PPP3CC: variants seen among roughly 807,000 people sequenced by gnomAD.
The protein encoded by PPP3CC is protein phosphatase 3 catalytic subunit gamma.
In PPP3CC, 35 loss-of-function variants were observed where a neutral mutation model predicts 60.3. That is an observed-to-expected ratio of 0.58 (90% confidence interval 0.44 to 0.77). The LOEUF (loss-of-function observed/expected upper bound fraction) is 0.77. Among genes scored for constraint, PPP3CC ranks in the 30% least tolerant of loss-of-function variants. PPP3CC has a pLI of 0.00. For missense variants in PPP3CC, 570 were observed against 628.9 expected, an observed-to-expected ratio of 0.91 and a Z score of 1.00; for synonymous variants, 206 against 224.3, an observed-to-expected ratio of 0.92 and a Z score of 0.73.
chr8:22,482,686 T>C (rs968263661), intron 3 of PPP3CC, among the ~76,000 whole-genome samples: 20 of 152,366 alleles, frequency 1.3e-4, no homozygotes, highest in African/African-American at 3.8e-4. Flanking sequence ...AAAAACCTTC[T>C]GTAGTATGAT....
intron 3 of PPP3CC, among the ~76,000 whole-genome samples, chr8:22,483,397 C>T (rs1838128133): frequency 6.6e-6 from 1 of 152,200 alleles, no homozygotes; most frequent in Admixed American, 6.5e-5. Flanking sequence ...CGCCATTCTC[C>T]TGCCTCAGCC....
intron 3 of PPP3CC, among the ~76,000 whole-genome samples, chr8:22,478,615 G>A (rs890680038): frequency 6.6e-6 from 1 of 152,144 alleles, no homozygotes; most frequent in Non-Finnish European, 1.5e-5. Flanking sequence ...AGAATATTTT[G>A]TGTTATGCAT....
chr8:22,441,152 G>T lies in PPP3CC; in HGVS notation c.-258G>T. On this transcript the variant is annotated 5_prime_UTR_variant, in exon 1 of 14. Transcript: ENST00000240139. ...ACCCTTAGCAGCGGTCGCGGTCGGT[G>T]CCGAAGCGGTGTTCCCCGCCTTAGC... 5.5e-6 allele frequency: 2 copies of T among 366,330 alleles called. No homozygotes were observed. The highest frequency in any genetic ancestry group is 4.1e-5 in the East Asian group (1 of 24,536). 22.7% of individuals were successfully genotyped at this position (366,330 alleles called of 1,614,324 possible). A position where few individuals can be genotyped will look rare whatever the true frequency, so the allele number is the denominator to read the frequency against.
rs1200523114 is a variant in PPP3CC, at chr8:22,540,902, T to C, written c.*100T>C. On this transcript the variant is annotated 3_prime_UTR_variant, in exon 14 of 14. Transcript: ENST00000240139. ...AAAGCAACTCAAAACAACTTCAACG[T>C]GGAGGTGCATTTATAATTCAGTCTG... 1.9e-5 allele frequency: 20 copies of C among 1,060,634 alleles called. No individual in the cohort carries two copies. Among genetic ancestry groups the C allele is most frequent in the African/African-American group, 1.6e-5 (1 of 61,152 alleles). The allele number at this position is 1,060,634 out of a possible 1,614,324, so 65.7% of individuals were successfully genotyped here.
intron 1 of PPP3CC, among the ~76,000 whole-genome samples, chr8:22,448,381 G>A (rs867306683): frequency 7.4e-6 from 1 of 135,126 alleles, no homozygotes; most frequent in Non-Finnish European, 1.6e-5. Flanking sequence ...CCTTTTTTTT[G>A]TTTTTTTTTT....
intron 3 of PPP3CC, among the ~76,000 whole-genome samples, chr8:22,494,422 A>G (rs1311480096): frequency 6.6e-6 from 1 of 152,138 alleles, no homozygotes; most frequent in Non-Finnish European, 1.5e-5. Context: ...TGGGTGTGGG[A>G]ATTCTGGTAG....
intron 9 of PPP3CC, among the ~76,000 whole-genome samples, chr8:22,528,250 A>G (rs1441563437): frequency 6.6e-6 from 1 of 152,230 alleles, no homozygotes; most frequent in African/African-American, 2.4e-5. Flanking sequence ...CTGAACAGCA[A>G]TCCGGTAAAA....
rs1277691125 is a variant in PPP3CC at position 22,525,528 on chromosome 8, TTCTTTCTTTCTCTCCCTCTC to T, written c.944-1860_944-1841del. On this transcript the variant is annotated intron_variant, in intron 8 of 13. Transcript: ENST00000240139. ...TTTCTTTCTTTCTTTCTTTCTTTCT[TTCTTTCTTTCTCTCCCTCTC>T]TCTCTCTCTCTTTCTTTCTCTCTCT... is the stretch of plus-strand genomic sequence containing the variant. Among the ~76,000 whole-genome samples the T allele has an allele frequency of 5.5e-5, 6 of 109,444 alleles. No homozygotes were observed. In the East Asian group the frequency reaches 1.1e-3, roughly 21 times the overall value. The allele number at this position is 109,444 out of a possible 152,430, so 71.8% of individuals were successfully genotyped here.
At chr8:22,465,965 C>G (rs111749019) in intron 1 of PPP3CC, among the ~76,000 whole-genome samples, 8,311 of 152,116 alleles carry the variant, frequency 0.055, 758 homozygotes, top group African/African-American at 0.19. Flanking sequence ...TTAGGTATTT[C>G]TCCTAATGCT....
At chr8:22,526,430 C>T (rs1029811407) in intron 8 of PPP3CC, among the ~76,000 whole-genome samples, 1 of 152,074 alleles carries the variant, frequency 6.6e-6, no homozygotes, top group African/African-American at 2.4e-5. Context: ...AATAATGGAA[C>T]ATGTACATCA....
At chr8:22,454,467 A>G (rs897296813) in intron 1 of PPP3CC, among the ~76,000 whole-genome samples, 10 of 152,294 alleles carry the variant, frequency 6.6e-5, no homozygotes, top group East Asian at 1.9e-4. Context: ...TGTTTTTTGA[A>G]TAAGTAGAAG....
chr8:22,474,960 C>G lies in PPP3CC; in HGVS notation c.56C>G (p.Pro19Arg), dbSNP rs776901296. 5.7e-6 allele frequency: 9 copies of G among 1,565,744 alleles called. No homozygotes were observed. The highest frequency in any genetic ancestry group is 1.3e-5 in the African/African-American group (1 of 74,108). ...TATTATTATTTTTTTGTAGCTGTCCCCTTTCCTCCAACCCAACGGCTTACT... is the reference window on the plus strand; with the variant it reads ...TATTATTATTTTTTTGTAGCTGTCCGCTTTCCTCCAACCCAACGGCTTACT... ...STTDRVIKAV[P>R]FPPTQRLTFK... is the part of the protein sequence containing the mutation. Residue 19 changes from proline to arginine, a missense_variant, in exon 2 of 14, where the codon CCC (proline) becomes CGC (arginine). Transcript: ENST00000240139.
intron 1 of PPP3CC, among the ~76,000 whole-genome samples, chr8:22,473,129 A>G (rs943223068): frequency 1.3e-5 from 2 of 152,236 alleles, no homozygotes; most frequent in Non-Finnish European, 1.5e-5. Context: ...TAAATGATAC[A>G]ATATGGTATG....
At chr8:22,494,807 T>G (rs1454927915) in intron 3 of PPP3CC, among the ~76,000 whole-genome samples, 1 of 152,238 alleles carries the variant, frequency 6.6e-6, no homozygotes, top group African/African-American at 2.4e-5. Context: ...CCTGAATGCC[T>G]GCTATAGGTA....
At chr8:22,500,908 C>G (rs1343085762) in intron 4 of PPP3CC, among the ~76,000 whole-genome samples, 1 of 152,168 alleles carries the variant, frequency 6.6e-6, no homozygotes, top group African/African-American at 2.4e-5. Context: ...AATCCCAGTA[C>G]TTTTGGAGGC....
chr8:22,520,120 CT>C (rs1198279757), intron 6 of PPP3CC, among the ~76,000 whole-genome samples: 51 of 147,950 alleles, frequency 3.4e-4, no homozygotes, highest in African/African-American at 1.2e-3. Context: ...GTTTTTTTTT[CT>C]TTCTTTTAGT....
chr8:22,493,203 T>G lies in PPP3CC; in HGVS notation c.373-4798T>G, dbSNP rs530735081. 5.3e-5 allele frequency among the ~76,000 whole-genome samples: 8 copies of G among 152,282 alleles called. No individual in the cohort carries two copies. In the East Asian group the frequency reaches 1.5e-3, roughly 29 times the overall value. ...GACTGCTTTTTAAGAAATTTTTGTT[T>G]ATGGATCTGATAAAATCTAGATCTC... On this transcript the variant is annotated intron_variant, in intron 3 of 13. Coordinates refer to ENST00000240139, the MANE Select transcript of PPP3CC (RefSeq NM_005605.5).
At chr8:22,526,686 G>A (rs764164472) in intron 8 of PPP3CC, among the ~76,000 whole-genome samples, 6 of 152,144 alleles carry the variant, frequency 3.9e-5, no homozygotes, top group Non-Finnish European at 5.9e-5. Flanking sequence ...TGGTGATAAA[G>A]GCTAAGGAAT....
intron 1 of PPP3CC, among the ~76,000 whole-genome samples, chr8:22,467,909 A>G (rs1034305193): frequency 6.6e-6 from 1 of 152,218 alleles, no homozygotes; most frequent in African/African-American, 2.4e-5. Context: ...AGAAGGGACA[A>G]ACAAGCTCCT....
Sources: gnomAD v4.1 joint callset for allele counts (sites outside exome capture counted in the v4.1 genomes callset) on GRCh38, gnomAD v4.1.1 for gene constraint, MANE v1.5 for transcripts, NCBI Gene and HGNC (gene_info 2026-07-23, HGNC 2026-07-21) for gene names.